Variants in PTPRE observed in about 807,000 individuals in gnomAD.
PTPRE encodes the protein protein tyrosine phosphatase receptor type E.
Under a neutral mutation model 102.0 loss-of-function variants are expected in PTPRE, and 51 were observed. The ratio of observed to expected loss-of-function variants is 0.50; its 90% CI spans 0.40 to 0.63. PTPRE has a LOEUF of 0.63. Among genes scored for constraint, PTPRE ranks in the 30% least tolerant of loss-of-function variants. The pLI, the probability that PTPRE is intolerant of heterozygous loss-of-function variation, is 0.00. For missense variants in PTPRE, 752 were observed against 915.1 expected (o/e 0.82, Z 2.30); for synonymous variants, 345 against 348.2 (o/e 0.99, Z 0.10).
chr10:127,910,029 GTA>G lies in PTPRE; in HGVS notation c.-31+2722_-31+2723del, dbSNP rs552123866. On this transcript the variant is annotated intron_variant, in intron 1 of 20. Coordinates refer to ENST00000254667, the MANE Select transcript of PTPRE (RefSeq NM_006504.6). ...GAGGGAACAGGATCGAAGCTGCCCC[GTA>G]TTCCCTTGCTAGACAAGTCTTTTTC... Among the ~76,000 whole-genome samples, 118 of 152,284 alleles carry G rather than the reference GTA, an allele frequency of 7.7e-4. 1 individual carries two copies. The highest frequency in any genetic ancestry group is 2.7e-3 in the African/African-American group (111 of 41,556).
intron 3 of PTPRE, among the ~76,000 whole-genome samples, chr10:128,041,385 C>A (rs568621487): frequency 6.6e-6 from 1 of 152,258 alleles, no homozygotes; most frequent in Admixed American, 6.5e-5. Flanking sequence ...TGCGGTGGCT[C>A]ATACCTGTAA....
Position 128,063,100 on chromosome 10 carries a change from G to T in PTPRE, c.643G>T (p.Val215Phe), listed in dbSNP as rs1171050555. ...IAAQGPKQET[V>F]NDFWRMVWEQ... ...ACACACAGGTCCCAAACAGGAAACG[G>T]TTAACGACTTCTGGAGAATGGTCTG... The change falls in exon 10 of 21, where the codon GTT becomes TTT. Residue 215 changes from valine to phenylalanine, a missense_variant. Physicochemically the swap from Val to Phe is conservative, Grantham distance 50. Transcript: ENST00000254667. 1 of 1,614,086 alleles carries T rather than the reference G, an allele frequency of 6.2e-7. No individual in the cohort carries two copies. The highest frequency in any genetic ancestry group is 1.3e-5 in the African/African-American group (1 of 74,928).
At chr10:128,068,470 C>T in intron 12 of PTPRE, 184 bp downstream of exon 12, 1 of 566,496 alleles carries the variant, frequency 1.8e-6, no homozygotes, top group South Asian at 4.1e-5. Flanking sequence ...GTTCAGAGAG[C>T]CCCCTCTTCA....
rs1227236306 is a variant in PTPRE at position 127,952,316 on chromosome 10, T to C, written c.-30-29958T>C. Among the ~76,000 whole-genome samples, 72 of 151,640 alleles carry C rather than the reference T, an allele frequency of 4.7e-4. 1 individual carries two copies. Among genetic ancestry groups the C allele is most frequent in the Non-Finnish European group, 8.8e-5 (6 of 67,912 alleles). ...TGCCCCTGCTTAGATAGCCAATGCC[T>C]ACTTGTTGTGCCCACCCCGCCCCCC... is the stretch of plus-strand genomic sequence containing the variant. On this transcript the variant is annotated intron_variant, in intron 1 of 20. Transcript: ENST00000254667.
intron 3 of PTPRE, among the ~76,000 whole-genome samples, chr10:128,043,699 G>T (rs73384093): frequency 6.6e-6 from 1 of 152,210 alleles, no homozygotes; most frequent in South Asian, 2.1e-4. Context: ...GTGTGTGTGT[G>T]TTGCAGAATT....
chr10:127,971,055 C>T (rs1409371000), intron 1 of PTPRE, among the ~76,000 whole-genome samples: 1 of 152,206 alleles, frequency 6.6e-6, no homozygotes, highest in Non-Finnish European at 1.5e-5. Flanking sequence ...TGTCTACACA[C>T]AGCGGCAGAG....
At chr10:128,050,014 GA>G (rs1448525894) in intron 6 of PTPRE, among the ~76,000 whole-genome samples, 1 of 152,166 alleles carries the variant, frequency 6.6e-6, no homozygotes, top group Non-Finnish European at 1.5e-5. Context: ...ATATCATGGG[GA>G]AAGTAACAGA....
intron 1 of PTPRE, among the ~76,000 whole-genome samples, chr10:127,970,358 G>A (rs1850633485): frequency 6.6e-6 from 1 of 152,158 alleles, no homozygotes; most frequent in African/African-American, 2.4e-5. Flanking sequence ...GGATGAAAGG[G>A]TTGTATTTGC....
chr10:127,959,060 C>A (rs1484274094), intron 1 of PTPRE, among the ~76,000 whole-genome samples: 1 of 152,176 alleles, frequency 6.6e-6, no homozygotes, highest in African/African-American at 2.4e-5. Context: ...CCACACCCCG[C>A]TAATTTCGTA....
chr10:128,058,047 G>A (rs946730495), intron 7 of PTPRE, among the ~76,000 whole-genome samples: 5 of 152,226 alleles, frequency 3.3e-5, no homozygotes, highest in African/African-American at 1.2e-4. Flanking sequence ...ACCGCTCAGT[G>A]CTAAGCACAT....
chr10:128,070,020 C>A lies in PTPRE; in HGVS notation c.1143+193C>A. Reference sequence around the variant, plus strand: ...GACTCCCTCGTCCTCATCTTTCCCTCGTATCCTCATGTGAGATGGGGCAAT... The same window carrying A: ...GACTCCCTCGTCCTCATCTTTCCCTAGTATCCTCATGTGAGATGGGGCAAT... On this transcript the variant is annotated intron_variant, in intron 13 of 20. Coordinates refer to ENST00000254667, the MANE Select transcript of PTPRE (RefSeq NM_006504.6). This position sits in a 1 kb window ranked among gnomAD's most constrained non-coding sequence, Gnocchi z 4.8. 1 of 814,142 alleles carries A rather than the reference C, an allele frequency of 1.2e-6. No homozygotes were observed. Among genetic ancestry groups the A allele is most frequent in the Non-Finnish European group, 1.9e-6 (1 of 522,472 alleles). The allele number at this position is 814,142 out of a possible 1,614,324, so 50.4% of individuals were successfully genotyped here. A position where few individuals can be genotyped will look rare whatever the true frequency, so the allele number is the denominator to read the frequency against.
intron 3 of PTPRE, among the ~76,000 whole-genome samples, chr10:128,041,558 G>T (rs1439342273): frequency 6.8e-6 from 1 of 146,336 alleles, no homozygotes; most frequent in Non-Finnish European, 1.5e-5. Flanking sequence ...TGAGGCAGGA[G>T]AATCACTTCA....
At chr10:128,018,363 A>G (rs1845603217) in intron 2 of PTPRE, among the ~76,000 whole-genome samples, 3 of 152,222 alleles carry the variant, frequency 2.0e-5, no homozygotes, top group African/African-American at 7.2e-5. Flanking sequence ...GGATGGACCC[A>G]TCTGCACAGC....
chr10:128,067,689 G>A (rs989215989), intron 11 of PTPRE, among the ~76,000 whole-genome samples: 1 of 152,250 alleles, frequency 6.6e-6, no homozygotes. Context: ...CCAAAGAGCA[G>A]GCCGACTGCA....
chr10:128,062,207 A>G (rs1849668079), intron 9 of PTPRE, among the ~76,000 whole-genome samples: 2 of 152,250 alleles, frequency 1.3e-5, no homozygotes, highest in African/African-American at 4.8e-5. Flanking sequence ...ACGTGCGGTT[A>G]GATATCAGTG....
At chr10:128,032,241 C>A (rs1267122182) in intron 2 of PTPRE, among the ~76,000 whole-genome samples, 4 of 152,120 alleles carry the variant, frequency 2.6e-5, no homozygotes, top group Admixed American at 1.3e-4. Context: ...GTCTTGAACT[C>A]TTGACCTCAG....
At chr10:128,050,299 GA>G (rs1848456835) in intron 6 of PTPRE, among the ~76,000 whole-genome samples, 2 of 149,794 alleles carry the variant, frequency 1.3e-5, no homozygotes, top group African/African-American at 5.0e-5. Flanking sequence ...ATGGATGAAT[GA>G]ATGCATGGAT....
intron 1 of PTPRE, among the ~76,000 whole-genome samples, chr10:127,923,398 A>ATTTTTTTTTTTTTTTTTTTTTTTTTTT: frequency 9.4e-6 from 1 of 106,926 alleles, no homozygotes; most frequent in Non-Finnish European, 1.8e-5. Flanking sequence ...ACCAGTTTGA[A>ATTTTTTTTTTTTTTTTTTTTTTTTTTT]TTTTTTTTTT....
At chr10:127,994,256 G>A (rs914557716) in intron 2 of PTPRE, among the ~76,000 whole-genome samples, 21 of 152,254 alleles carry the variant, frequency 1.4e-4, no homozygotes, top group African/African-American at 4.3e-4. Context: ...TTTCTTTTCC[G>A]GGGGAGCACA....
Sources: gnomAD v4.1 joint callset for allele counts (sites outside exome capture counted in the v4.1 genomes callset) on GRCh38, gnomAD v4.1.1 for gene constraint, Gnocchi (gnomAD v3.1) non-coding constraint, MANE v1.5 for transcripts, NCBI Gene and HGNC (gene_info 2026-07-23, HGNC 2026-07-21) for gene names.